TENM3: variants seen among roughly 807,000 people sequenced by gnomAD.
The protein encoded by TENM3 is teneurin transmembrane protein 3, also known as teneurin-3.
Under a neutral mutation model 255.1 loss-of-function variants are expected in TENM3, and 63 were observed. That is an observed-to-expected ratio of 0.25 (90% CI 0.20 to 0.30). The LOEUF is 0.30. TENM3 is among the 10% of genes least tolerant of loss of function. The pLI is 1.00. For synonymous variants in TENM3, 1,306 were observed against 1,322.3 expected, an observed-to-expected ratio of 0.99 and a Z score of 0.27; for missense variants, 2,929 against 3,461.1, an observed-to-expected ratio of 0.85 and a Z score of 3.86.
At chr4:182,261,725 T>TC (rs1758805843) in intron 1 of TENM3, among the ~76,000 whole-genome samples, 2 of 152,344 alleles carry the variant, frequency 1.3e-5, no homozygotes, top group Non-Finnish European at 2.9e-5. Context: ...TTGCTGATGC[T>TC]CCCGCTTGCC....
rs77761764 is a variant in TENM3 at position 182,558,928 on chromosome 4, A to G, written c.512-41996A>G. Among the ~76,000 whole-genome samples, 627 of 152,258 alleles carry G rather than the reference A, an allele frequency of 4.1e-3. 20 individuals carry two copies. The highest frequency in any genetic ancestry group is 0.031 in the Admixed American group (477 of 15,292). ...ATTATGATGTAAAAGAATAATCCAAATGCCCATGCTGATCCACCCTTATGG... is the reference window on the plus strand; with the variant it reads ...ATTATGATGTAAAAGAATAATCCAAGTGCCCATGCTGATCCACCCTTATGG... On this transcript the variant is annotated intron_variant, in intron 3 of 27. Transcript: ENST00000511685.
chr4:182,313,747 G>A (rs561878662), intron 1 of TENM3, among the ~76,000 whole-genome samples: 77 of 152,262 alleles, frequency 5.1e-4, no homozygotes, highest in African/African-American at 1.8e-3. Flanking sequence ...TCTCAGGAGA[G>A]TTTCCTCTTC....
At chr4:181,492,154 G>A in the TENM3 span, among the ~76,000 whole-genome samples, 1 of 152,116 alleles carries the variant, frequency 6.6e-6, no homozygotes, top group African/African-American at 2.4e-5. Context: ...TGAACCAATA[G>A]GTTTGTGCAT....
chr4:181,653,700 C>CT, the TENM3 span, among the ~76,000 whole-genome samples: 25,861 of 137,164 alleles, frequency 0.19, 2,606 homozygotes, highest in East Asian at 0.3. Flanking sequence ...ATAAGACCAG[C>CT]TTTTTTTTTT....
chr4:182,553,121 G>C (rs1005954974), intron 3 of TENM3, among the ~76,000 whole-genome samples: 4 of 152,038 alleles, frequency 2.6e-5, no homozygotes, highest in Non-Finnish European at 4.4e-5. Context: ...GTCTCACTGT[G>C]TTGCCCAGGC....
chr4:182,090,871 G>T, the TENM3 span, among the ~76,000 whole-genome samples: 1 of 152,160 alleles, frequency 6.6e-6, no homozygotes, highest in African/African-American at 2.4e-5. Context: ...CTTCTCTAGA[G>T]AAATAATAAC....
chr4:181,574,501 G>A, the TENM3 span, among the ~76,000 whole-genome samples: 5 of 150,472 alleles, frequency 3.3e-5, no homozygotes, highest in African/African-American at 9.8e-5. Context: ...ACTGCAGTCC[G>A]CAGTCCGGCC....
Position 182,628,806 on chromosome 4 carries a change from C to G in TENM3, c.905C>G (p.Ser302Ter). Residue 302 changes from serine to a stop codon, truncating the protein, a stop_gained, in exon 5 of 28, where the codon TCA becomes TGA. Transcript: ENST00000511685. LOFTEE classifies it high-confidence loss of function. ...SRSAFKFKKS[S>*]KYCSWKCTAL... ...AGTGCTTTTAAATTCAAGAAGTCTTCAAAGTACTGTAGCTGGAAATGCACT... is the reference window on the plus strand; with the variant it reads ...AGTGCTTTTAAATTCAAGAAGTCTTGAAAGTACTGTAGCTGGAAATGCACT... 6.2e-7 allele frequency: 1 copy of G among 1,611,224 alleles called. No individual in the cohort carries two copies. The highest frequency in any genetic ancestry group is 8.5e-7 in the Non-Finnish European group (1 of 1,178,772).
chr4:182,767,657 C>G (rs1561223440), intron 22 of TENM3, among the ~76,000 whole-genome samples: 1 of 152,092 alleles, frequency 6.6e-6, no homozygotes, highest in Admixed American at 6.5e-5. Context: ...ACATCACACA[C>G]ATACACATTA....
At chr4:181,994,058 C>G in the TENM3 span, among the ~76,000 whole-genome samples, 1 of 152,088 alleles carries the variant, frequency 6.6e-6, no homozygotes, top group African/African-American at 2.4e-5. Context: ...ATGATTTTCT[C>G]AGCTTACTTT....
At chr4:182,293,715 C>G (rs1410054832) in intron 1 of TENM3, among the ~76,000 whole-genome samples, 1 of 152,144 alleles carries the variant, frequency 6.6e-6, no homozygotes, top group African/African-American at 2.4e-5. Flanking sequence ...TCTCCAACAC[C>G]TGGTAACCCG....
In TENM3 at chr4:182,789,501, G is replaced by A. The variant is rs79351528; in HGVS notation, c.5601+112G>A. 1.5e-3 allele frequency: 1,473 copies of A among 995,602 alleles called. 10 individuals are homozygous for A. In the African/African-American group the frequency reaches 0.022, roughly 15 times the overall value. The allele number at this position is 995,602 out of a possible 1,614,324, so 61.7% of individuals were successfully genotyped here. ...AGTGGCACATGACTGAGTTCCATTT[G>A]TTATTCGAAGTATCAATACGGAAGT... On this transcript the variant is annotated intron_variant, in intron 25 of 27. Coordinates refer to ENST00000511685, the MANE Select transcript of TENM3 (RefSeq NM_001080477.4). This position sits in a 1 kb window ranked among gnomAD's most constrained non-coding sequence, Gnocchi z 4.4.
chr4:181,970,016 G>T, the TENM3 span, among the ~76,000 whole-genome samples: 1 of 152,158 alleles, frequency 6.6e-6, no homozygotes, highest in South Asian at 2.1e-4. Flanking sequence ...GAAATAACTT[G>T]CAAAGACAGC....
chr4:181,707,607 A>G, the TENM3 span, among the ~76,000 whole-genome samples: 1 of 152,238 alleles, frequency 6.6e-6, no homozygotes, highest in Non-Finnish European at 1.5e-5. Context: ...TTTTCTGAAT[A>G]GACAGTTCAT....
At chr4:181,501,122 A>C in the TENM3 span, among the ~76,000 whole-genome samples, 13 of 152,278 alleles carry the variant, frequency 8.5e-5, no homozygotes, top group African/African-American at 3.1e-4. Flanking sequence ...CATGGCAGAA[A>C]ATGACTTCAG....
At chr4:181,714,836 C>A in the TENM3 span, among the ~76,000 whole-genome samples, 1 of 152,058 alleles carries the variant, frequency 6.6e-6, no homozygotes, top group Non-Finnish European at 1.5e-5. Context: ...AGAGCAAAGA[C>A]AAATAAAATA....
the TENM3 span, among the ~76,000 whole-genome samples, chr4:181,604,679 T>C: frequency 1.3e-5 from 2 of 152,194 alleles, no homozygotes; most frequent in Non-Finnish European, 2.9e-5. Flanking sequence ...AGAGTACTTG[T>C]TTTCTAAACA....
the TENM3 span, among the ~76,000 whole-genome samples, chr4:181,511,570 A>G: frequency 6.6e-6 from 1 of 152,220 alleles, no homozygotes; most frequent in Admixed American, 6.5e-5. Context: ...TCTGAGAGCC[A>G]TGTCTGTACC....
In TENM3 at chr4:182,752,631, A is replaced by AT. The variant is rs536676780; in HGVS notation, c.3862+606dup. Among the ~76,000 whole-genome samples, 22 of 152,174 alleles carry AT rather than the reference A, an allele frequency of 1.4e-4. No homozygotes were observed. The East Asian group carries it at 3.7e-3, about 25-fold the overall frequency. On this transcript the variant is annotated intron_variant, in intron 20 of 27. Coordinates refer to ENST00000511685, the MANE Select transcript of TENM3 (RefSeq NM_001080477.4). ...ACAATGTTTTTGGTTTGGGGCCTTT[A>AT]TTTTTTTCATGGTAGCTGCTGACTA...
Sources: gnomAD v4.1 joint callset for allele counts (sites outside exome capture counted in the v4.1 genomes callset) on GRCh38, gnomAD v4.1.1 for gene constraint, Gnocchi (gnomAD v3.1) non-coding constraint, MANE v1.5 for transcripts, NCBI Gene and HGNC (gene_info 2026-07-23, HGNC 2026-07-21) for gene names.